SLC7A2: variants seen among roughly 807,000 people sequenced by gnomAD.
SLC7A2 encodes cationic amino acid transporter 2.
A neutral mutation model predicts 58.9 loss-of-function variants in SLC7A2; 48 were observed. The ratio of observed to expected loss-of-function variants is 0.82; its 90% CI spans 0.65 to 1.04. The LOEUF (loss-of-function observed/expected upper bound fraction) is 1.04, where lower values mean the gene tolerates loss of function less well. Ranked by LOEUF, SLC7A2 falls within the 50% of genes least tolerant of loss-of-function variation. The pLI, the probability that SLC7A2 is intolerant of heterozygous loss-of-function variation, is 0.00. For missense variants in SLC7A2, 1,029 were observed against 818.8 expected (o/e 1.26, Z -3.13); for synonymous variants, 363 against 314.5 (o/e 1.15, Z -1.63).
rs766254437 is a variant in SLC7A2 at position 17,562,035 on chromosome 8, G to A, written c.1596G>A (p.Leu532=). The A allele has an allele frequency of 5.0e-6, 8 of 1,613,942 alleles. No homozygotes were observed. Among genetic ancestry groups the A allele is most frequent in the South Asian group, 1.1e-5 (1 of 91,088 alleles). ...LEAWSLALLA[L]FLVLFVAIVL... is the part of the protein sequence containing the mutation. ...CCTGGAGCCTCGCTCTCCTCGCGCT[G>A]TTTCTTGTTCTCTTCGTTGCCATCG... is the stretch of plus-strand genomic sequence containing the variant. The change falls in exon 11 of 13, where the codon CTG becomes CTA. Residue 532 remains leucine (L), a synonymous_variant. Transcript: ENST00000494857.
At chr8:17,504,498 G>C (rs1800288356) in intron 2 of SLC7A2, among the ~76,000 whole-genome samples, 1 of 152,144 alleles carries the variant, frequency 6.6e-6, no homozygotes, top group Non-Finnish European at 1.5e-5. Flanking sequence ...CTTATTATGG[G>C]ATAAAATTGA....
At chr8:17,500,261 G>A (rs1800100976) in intron 1 of SLC7A2, 1 of 152,172 alleles carries the variant, frequency 6.6e-6, no homozygotes, top group Non-Finnish European at 1.5e-5. Context: ...ATACATGAAG[G>A]CGATGCTACT....
At chr8:17,505,510 C>G (rs1435759893) in intron 2 of SLC7A2, among the ~76,000 whole-genome samples, 1 of 152,140 alleles carries the variant, frequency 6.6e-6, no homozygotes, top group Admixed American at 6.6e-5. Context: ...GTTCCCTGGC[C>G]TCAAGGGTAT....
At chr8:17,520,673 A>G (rs1374709016) in intron 2 of SLC7A2, 9 of 148,748 alleles carry the variant, frequency 6.1e-5, no homozygotes, top group Non-Finnish European at 1.1e-4. Flanking sequence ...AAAAAAAAGG[A>G]GTACTTTTCC....
At chr8:17,523,289 A>G (rs1203570933) in intron 2 of SLC7A2, among the ~76,000 whole-genome samples, 1 of 152,186 alleles carries the variant, frequency 6.6e-6, no homozygotes, top group Non-Finnish European at 1.5e-5. Context: ...AGAACCAAAA[A>G]AGAGCCCACA....
intron 8 of SLC7A2, chr8:17,555,174 T>C (rs888366411): frequency 8.4e-7 from 1 of 1,186,960 alleles, no homozygotes; most frequent in African/African-American, 1.6e-5. Flanking sequence ...ATGCTGTGCA[T>C]GTAAGTTAAA....
intron 4 of SLC7A2, among the ~76,000 whole-genome samples, chr8:17,547,254 G>A (rs1437743599): frequency 1.3e-5 from 2 of 152,056 alleles, no homozygotes; most frequent in Non-Finnish European, 2.9e-5. Flanking sequence ...CGTCTCACGG[G>A]GTGTCAGGCA....
In SLC7A2 at chr8:17,550,448, C is replaced by G; in HGVS notation, c.832+14C>G. On this transcript the variant is annotated intron_variant, in intron 6 of 12. Coordinates refer to ENST00000494857, the MANE Select transcript of SLC7A2 (RefSeq NM_001370338.1). ...TTGCAACAACTGGTAAGAGCAGTGT[C>G]TTGGCTCAGTGTAGAAGGAGTGTTC... 3 of 1,611,008 alleles carry G rather than the reference C, an allele frequency of 1.9e-6. No homozygotes were observed. The highest frequency in any genetic ancestry group is 2.2e-5 in the East Asian group (1 of 44,808).
intron 2 of SLC7A2, among the ~76,000 whole-genome samples, chr8:17,514,085 C>T (rs1800707440): frequency 1.3e-5 from 2 of 152,084 alleles, no homozygotes; most frequent in African/African-American, 2.4e-5. Context: ...TATGGTCAGC[C>T]CTTATTGGGA....
intron 8 of SLC7A2, among the ~76,000 whole-genome samples, chr8:17,557,385 T>TGGGATTTGGTATGCA (rs1802756985): frequency 6.6e-6 from 1 of 152,206 alleles, no homozygotes; most frequent in African/African-American, 2.4e-5. Flanking sequence ...CTTAGTATTT[T>TGGGATTTGGTATGCA]GGGATTTGGT....
intron 4 of SLC7A2, 92 bp downstream of exon 4, chr8:17,544,698 A>G (rs918697508): frequency 9.4e-7 from 1 of 1,067,334 alleles, no homozygotes; most frequent in African/African-American, 1.6e-5. Flanking sequence ...CTGAGTTCCC[A>G]AGATGAGATT....
rs772335787 is a variant in SLC7A2 at position 17,565,151 on chromosome 8, T to G, written c.*5T>G. On this transcript the variant is annotated 3_prime_UTR_variant, in exon 13 of 13. Transcript: ENST00000494857. The stretch of plus-strand genomic sequence containing the variant: ...GAAAAGACAAGTGAATTCTAACACT[T>G]GCAGGAGCAGAGCTGGTCATCGTCT... The G allele has an allele frequency of 6.2e-7, 1 of 1,608,046 alleles. No individual in the cohort carries two copies. The highest frequency in any genetic ancestry group is 1.1e-5 in the South Asian group (1 of 90,260).
intron 2 of SLC7A2, among the ~76,000 whole-genome samples, chr8:17,535,728 C>T (rs35343250): frequency 0.19 from 28,089 of 151,712 alleles, 3,033 homozygotes; most frequent in Non-Finnish European, 0.24. Flanking sequence ...CATGGTGAAA[C>T]CCTGTCTCTA....
chr8:17,499,623 C>G (rs113628001), intron 1 of SLC7A2, among the ~76,000 whole-genome samples: 3 of 150,956 alleles, frequency 2.0e-5, no homozygotes, highest in African/African-American at 7.3e-5. Context: ...AAAGCAAAAG[C>G]TTTCAGTGGA....
Position 17,506,887 on chromosome 8 carries a change from A to G in SLC7A2, c.-23+4585A>G, listed in dbSNP as rs553849304. 5.3e-5 allele frequency among the ~76,000 whole-genome samples: 8 copies of G among 151,942 alleles called. No homozygotes were observed. The East Asian group carries it at 1.5e-3, about 29-fold the overall frequency. ...GAGTCCAAGCATGTTGAAAAATCAG[A>G]CCATTCTGTTTTTGTGAAAACAAAT... On this transcript the variant is annotated intron_variant, in intron 2 of 12. Coordinates refer to ENST00000494857, the MANE Select transcript of SLC7A2 (RefSeq NM_001370338.1).
In SLC7A2 at chr8:17,558,353, A is replaced by T. The variant is rs74514270; in HGVS notation, c.1254A>T (p.Thr418=). The change falls in exon 9 of 13, where the codon ACA becomes ACT. Residue 418 remains threonine, a synonymous_variant. Coordinates refer to ENST00000494857, the MANE Select transcript of SLC7A2 (RefSeq NM_001370338.1). The stretch of plus-strand genomic sequence containing the variant: ...TTGTGGACATGATGTCCATTGGCAC[A>T]CTCATGGCCTACTCTCTGGTGGCAG... The part of the protein sequence containing the change: ...KALVDMMSIG[T]LMAYSLVAAC... 1.2e-6 allele frequency: 2 copies of T among 1,613,258 alleles called. No homozygotes were observed. The highest frequency in any genetic ancestry group is 1.7e-6 in the Non-Finnish European group (2 of 1,179,682).
intron 9 of SLC7A2, among the ~76,000 whole-genome samples, 186 bp from the exon 10 acceptor site, chr8:17,560,142 C>A (rs563278784): frequency 1.6e-4 from 25 of 152,184 alleles, no homozygotes; most frequent in Non-Finnish European, 2.6e-4. Context: ...GGGTATTTTG[C>A]TGCAGTTGTT....
At chr8:17,519,509 TC>T (rs1230051746) in intron 2 of SLC7A2, among the ~76,000 whole-genome samples, 1 of 152,202 alleles carries the variant, frequency 6.6e-6, no homozygotes, top group Non-Finnish European at 1.5e-5. Flanking sequence ...ATTGTGAGCT[TC>T]CTGTATCTGA....
chr8:17,512,883 C>T (rs139385338), intron 2 of SLC7A2, among the ~76,000 whole-genome samples: 2 of 152,312 alleles, frequency 1.3e-5, no homozygotes, highest in Non-Finnish European at 2.9e-5. Context: ...TGGAATCAGA[C>T]AGTGTTTTGC....
Sources: gnomAD v4.1 joint callset for allele counts (sites outside exome capture counted in the v4.1 genomes callset) on GRCh38, gnomAD v4.1.1 for gene constraint, MANE v1.5 for transcripts, NCBI Gene and HGNC (gene_info 2026-07-23, HGNC 2026-07-21) for gene names.